Variants in NMNAT3 observed in about 807,000 individuals in gnomAD.
The protein encoded by NMNAT3 is nicotinamide nucleotide adenylyltransferase 3, also known as nicotinamide/nicotinic acid mononucleotide adenylyltransferase 3.
In NMNAT3, 21 loss-of-function variants were observed where a neutral mutation model predicts 24.8. That is an observed-to-expected ratio of 0.85 (90% CI 0.60 to 1.22). The LOEUF (loss-of-function observed/expected upper bound fraction) is 1.22. Ranked by LOEUF, NMNAT3 falls within the 50% of genes most tolerant of loss-of-function variation. The pLI, the probability that NMNAT3 is intolerant of heterozygous loss-of-function variation, is 0.00. For missense variants in NMNAT3, 387 were observed against 436.6 expected (o/e 0.89, Z 1.01); for synonymous variants, 136 against 155.2 (o/e 0.88, Z 0.92).
At chr3:139,621,167 A>G (rs1462138611) in intron 3 of NMNAT3, among the ~76,000 whole-genome samples, 5 of 152,272 alleles carry the variant, frequency 3.3e-5, no homozygotes, top group South Asian at 2.1e-4. Flanking sequence ...GAAAATTCCA[A>G]TTGCTTCAGG....
chr3:139,665,543 C>G (rs1484405053), intron 1 of NMNAT3, among the ~76,000 whole-genome samples: 1 of 152,138 alleles, frequency 6.6e-6, no homozygotes, highest in Admixed American at 6.5e-5. Context: ...AGAGGATGAC[C>G]ATGCTGGCTT....
intron 1 of NMNAT3, among the ~76,000 whole-genome samples, chr3:139,663,820 C>T (rs1341178220): frequency 1.3e-5 from 2 of 152,174 alleles, no homozygotes; most frequent in Admixed American, 6.5e-5. Flanking sequence ...GACTTATGGT[C>T]ACAGCACAGA....
Position 139,670,910 on chromosome 3 carries a change from A to T in NMNAT3, c.-141+6795T>A, listed in dbSNP as rs115310279. On this transcript the variant is annotated intron_variant, in intron 1 of 6. Transcript: ENST00000643695. ...ACCCTGAGAATTCAAGTCTACAGGG[A>T]CAGGGTGAACACATCTGCAGGCCAT... Among the ~76,000 whole-genome samples the T allele has an allele frequency of 2.7e-3, 406 of 152,290 alleles. 2 individuals are homozygous for T. The highest frequency in any genetic ancestry group is 9.2e-3 in the African/African-American group (384 of 41,554).
intron 3 of NMNAT3, among the ~76,000 whole-genome samples, chr3:139,599,979 G>A (rs2054639989): frequency 6.6e-6 from 1 of 152,170 alleles, no homozygotes. Context: ...CTGGGACCAC[G>A]GTGGCCATTA....
chr3:139,566,235 T>G lies in NMNAT3; in HGVS notation c.659-4843A>C, dbSNP rs371629217. On this transcript the variant is annotated intron_variant, in intron 6 of 6. Coordinates refer to ENST00000643695, the MANE Select transcript of NMNAT3 (RefSeq NM_001320510.2). ...TTTGTTTTTTTCTTGTAAATTTGTT[T>G]GAGTTCATTGTAGATTCTGGATATT... The G allele has an allele frequency of 1.7e-4, 26 of 152,342 alleles. No homozygotes were observed. The East Asian group carries it at 4.0e-3, about 24-fold the overall frequency. 9.4% of individuals were successfully genotyped at this position (152,342 alleles called of 1,614,324 possible). A position where few individuals can be genotyped will look rare whatever the true frequency, so the allele number is the denominator to read the frequency against.
intron 1 of NMNAT3, among the ~76,000 whole-genome samples, chr3:139,657,414 T>C (rs1349792801): frequency 6.6e-6 from 1 of 152,234 alleles, no homozygotes; most frequent in Non-Finnish European, 1.5e-5. Context: ...AACAGGTTAG[T>C]GCGCAGGTGT....
chr3:139,579,143 A>G, intron 4 of NMNAT3, 88 bp from the exon 5 acceptor site: 1 of 1,091,624 alleles, frequency 9.2e-7, no homozygotes, highest in Non-Finnish European at 1.3e-6. Context: ...AAATGTCTCC[A>G]GTGCCTCATC....
At chr3:139,597,267 T>C (rs2054526152) in intron 3 of NMNAT3, among the ~76,000 whole-genome samples, 1 of 152,022 alleles carries the variant, frequency 6.6e-6, no homozygotes, top group Non-Finnish European at 1.5e-5. Flanking sequence ...TGCATCATGC[T>C]AAGGAAGGAT....
intron 2 of NMNAT3, chr3:139,636,962 A>G (rs562308557): frequency 6.6e-6 from 1 of 152,314 alleles, no homozygotes; most frequent in Non-Finnish European, 1.5e-5. Context: ...CTTTCTTTCC[A>G]TGTCCTACTA....
chr3:139,612,347 C>T (rs776649916), intron 3 of NMNAT3, among the ~76,000 whole-genome samples: 4 of 152,046 alleles, frequency 2.6e-5, no homozygotes, highest in Admixed American at 6.5e-5. Context: ...TTTTCCTACT[C>T]GGTAGAGTTT....
At chr3:139,599,589 T>C (rs1166743636) in intron 3 of NMNAT3, 2 of 597,688 alleles carry the variant, frequency 3.3e-6, no homozygotes, top group Non-Finnish European at 5.9e-6. Flanking sequence ...TAAATGGTTA[T>C]GCATGCCTTT....
At chr3:139,628,715 G>T (rs1019901662) in intron 2 of NMNAT3, among the ~76,000 whole-genome samples, 2 of 152,278 alleles carry the variant, frequency 1.3e-5, no homozygotes, top group Non-Finnish European at 1.5e-5. Context: ...GGTGGGACTT[G>T]GTTGACCCCT....
intron 3 of NMNAT3, among the ~76,000 whole-genome samples, chr3:139,584,918 A>G (rs963997763): frequency 7.2e-5 from 11 of 152,070 alleles, no homozygotes; most frequent in Admixed American, 3.3e-4. Flanking sequence ...ATCTCTCACT[A>G]TGATTGTGGA....
At chr3:139,586,834 CT>C (rs1180428367) in intron 3 of NMNAT3, among the ~76,000 whole-genome samples, 1 of 152,050 alleles carries the variant, frequency 6.6e-6, no homozygotes, top group African/African-American at 2.4e-5. Context: ...ACAAAAGGCC[CT>C]TTTTGGCCTG....
chr3:139,614,034 G>GT (rs1402804169), intron 3 of NMNAT3, among the ~76,000 whole-genome samples: 1 of 151,986 alleles, frequency 6.6e-6, no homozygotes, highest in East Asian at 1.9e-4. Context: ...TATACCTAAT[G>GT]TAAATGACGA....
intron 6 of NMNAT3, among the ~76,000 whole-genome samples, chr3:139,572,612 A>G (rs919079269): frequency 6.6e-6 from 1 of 152,184 alleles, no homozygotes; most frequent in Non-Finnish European, 1.5e-5. Flanking sequence ...GGACTGTTGC[A>G]TGGCACCTTT....
In NMNAT3 at chr3:139,582,249, GAGA is replaced by G. The variant is rs2053669219; in HGVS notation, c.391+675_391+677del. On this transcript the variant is annotated intron_variant, in intron 4 of 6. Coordinates refer to ENST00000643695, the MANE Select transcript of NMNAT3 (RefSeq NM_001320510.2). ...ACCACATGTAAGGCAAAAAACAAAA[GAGA>G]AGATCTAACTTCTTAGTAAATGTGT... Among the ~76,000 whole-genome samples, 3 of 123,350 alleles carry G rather than the reference GAGA, an allele frequency of 2.4e-5. No homozygotes were observed. The South Asian group carries it at 8.0e-4, about 33-fold the overall frequency. The allele number at this position is 123,350 out of a possible 152,430, so 80.9% of individuals were successfully genotyped here.
At chr3:139,644,273 A>C (rs1437282939) in intron 1 of NMNAT3, among the ~76,000 whole-genome samples, 2 of 152,224 alleles carry the variant, frequency 1.3e-5, no homozygotes, top group Non-Finnish European at 2.9e-5. Context: ...GAATAGGAAA[A>C]AATTCACAAA....
At chr3:139,594,079 A>G (rs1370178317) in intron 3 of NMNAT3, among the ~76,000 whole-genome samples, 3 of 152,176 alleles carry the variant, frequency 2.0e-5, no homozygotes, top group African/African-American at 4.8e-5. Flanking sequence ...ACTAATAAAG[A>G]AAAAAAGAGA....
Sources: allele counts gnomAD v4.1 joint callset (sites outside exome capture counted in the v4.1 genomes callset), GRCh38; gene constraint gnomAD v4.1.1; transcripts MANE v1.5; gene names NCBI Gene and HGNC (gene_info 2026-07-23, HGNC 2026-07-21).